The following NAV3 variants were observed in gnomAD, a reference collection of about 807,000 sequenced individuals.
NAV3 encodes the protein neuron navigator 3.
Under a neutral mutation model 244.7 loss-of-function variants are expected in NAV3, and 87 were observed. The ratio of observed to expected loss-of-function variants is 0.36; its 90% CI spans 0.30 to 0.42. The LOEUF is 0.42. Ranked by LOEUF, NAV3 falls within the 20% of genes least tolerant of loss-of-function variation. The pLI, the probability that NAV3 is intolerant of heterozygous loss-of-function variation, is 1.00. For synonymous variants in NAV3, 1,126 were observed against 1,042.2 expected (o/e 1.08, Z -1.55); for missense variants, 2,663 against 2,893.3 (o/e 0.92, Z 1.83).
intron 2 of NAV3, among the ~76,000 whole-genome samples, chr12:77,692,988 A>G (rs1875106738): frequency 6.6e-6 from 1 of 152,116 alleles, no homozygotes; most frequent in Non-Finnish European, 1.5e-5. Flanking sequence ...GGAGTTAACC[A>G]AGCAAATGTG....
chr12:78,157,537 G>A (rs982869370), intron 22 of NAV3, among the ~76,000 whole-genome samples: 4 of 151,888 alleles, frequency 2.6e-5, no homozygotes, highest in African/African-American at 9.7e-5. Context: ...CTCCAGCCTG[G>A]GTGGCAGCAA....
intron 2 of NAV3, among the ~76,000 whole-genome samples, chr12:77,740,535 CATT>C (rs1222162169): frequency 1.3e-5 from 2 of 151,752 alleles, no homozygotes; most frequent in African/African-American, 2.4e-5. Flanking sequence ...GTATTGTAAA[CATT>C]ATAGTTCACA....
At position 78,058,922 on chromosome 12, in the gene NAV3, G is replaced by A. The variant is rs115229206; in HGVS notation, c.2517-74G>A. 284 of 1,335,854 alleles carry A rather than the reference G, an allele frequency of 2.1e-4. No homozygotes were observed. In the Middle Eastern group the frequency reaches 3.5e-3, roughly 16 times the overall value. 82.8% of individuals were successfully genotyped at this position (1,335,854 alleles called of 1,614,324 possible). On this transcript the variant is annotated intron_variant, in intron 11 of 39. Transcript: ENST00000397909. ...GTAATTATTGAAAATTGTGGACACC[G>A]TTTGTTTATTAAGTTAAATTGTACA...
chr12:78,132,633 A>C (rs1956212892), intron 18 of NAV3, among the ~76,000 whole-genome samples: 1 of 151,982 alleles, frequency 6.6e-6, no homozygotes, highest in Non-Finnish European at 1.5e-5. Flanking sequence ...TTCATCCTCC[A>C]TCTCCTCCTT....
In NAV3 at chr12:77,747,412, G is replaced by T. The variant is rs546721813; in HGVS notation, c.72+175146G>T. ...GTGCTGGAGAGGATGTGGAGAAATA[G>T]GTACACTTTTACACTGTTGGTGGGA... On this transcript the variant is annotated intron_variant, in intron 2 of 8. Transcript: ENST00000550042. 1.2e-4 allele frequency among the ~76,000 whole-genome samples: 18 copies of T among 152,280 alleles called. No individual in the cohort carries two copies. The East Asian group carries it at 3.3e-3, about 28-fold the overall frequency.
intron 9 of NAV3, among the ~76,000 whole-genome samples, chr12:78,046,745 G>C (rs1881863630): frequency 6.6e-6 from 1 of 152,108 alleles, no homozygotes; most frequent in Non-Finnish European, 1.5e-5. Context: ...TGTCTATTAG[G>C]TCCACTTGGT....
At chr12:78,207,501 C>A (rs1960453368) in intron 39 of NAV3, among the ~76,000 whole-genome samples, 1 of 152,056 alleles carries the variant, frequency 6.6e-6, no homozygotes, top group South Asian at 2.1e-4. Flanking sequence ...AATAGAGGCA[C>A]ATATTAAGTA....
intron 12 of NAV3, among the ~76,000 whole-genome samples, chr12:78,099,027 T>C (rs1954404514): frequency 6.6e-6 from 1 of 151,550 alleles, no homozygotes; most frequent in African/African-American, 2.4e-5. Flanking sequence ...TTTCTTCAGT[T>C]ATTAAGTTGC....
chr12:78,115,395 T>A (rs926207512), intron 12 of NAV3, among the ~76,000 whole-genome samples: 2 of 152,198 alleles, frequency 1.3e-5, no homozygotes, highest in African/African-American at 4.8e-5. Context: ...GAGAACCAGC[T>A]GGTAAATGAG....
chr12:78,200,618 T>G, intron 38 of NAV3, 27 bp downstream of exon 38: 1 of 1,250,740 alleles, frequency 8.0e-7, no homozygotes, highest in South Asian at 1.7e-5. Context: ...TCATTGCTAT[T>G]TTTTTTTAAA....
At chr12:77,885,669 A>C (rs191620313) in intron 1 of NAV3, among the ~76,000 whole-genome samples, 20 of 152,194 alleles carry the variant, frequency 1.3e-4, no homozygotes, top group African/African-American at 4.6e-4. Flanking sequence ...TCCTTCTCTT[A>C]GTTTCTCTGT....
intron 2 of NAV3, among the ~76,000 whole-genome samples, chr12:77,685,486 C>CACACACACAA (rs144152262): frequency 1.4e-4 from 19 of 139,924 alleles, no homozygotes; most frequent in African/African-American, 3.0e-4. Flanking sequence ...CACACACACA[C>CACACACACAA]ACACACACAC....
At chr12:77,910,932 A>G (rs1307524343) in intron 1 of NAV3, among the ~76,000 whole-genome samples, 1 of 152,162 alleles carries the variant, frequency 6.6e-6, no homozygotes, top group Non-Finnish European at 1.5e-5. Flanking sequence ...TAGTATGGAC[A>G]CTTATCAGTA....
intron 2 of NAV3, among the ~76,000 whole-genome samples, chr12:77,590,064 A>G (rs908532391): frequency 6.6e-6 from 1 of 152,210 alleles, no homozygotes; most frequent in Non-Finnish European, 1.5e-5. Context: ...CCTGCATGGT[A>G]CAACTAAAAC....
At chr12:78,197,809 A>T (rs1177711483) in intron 35 of NAV3, among the ~76,000 whole-genome samples, 1 of 151,952 alleles carries the variant, frequency 6.6e-6, no homozygotes, top group African/African-American at 2.4e-5. Flanking sequence ...TGCAGACATG[A>T]TGAACATTTG....
intron 31 of NAV3, 49 bp downstream of exon 31, chr12:78,185,747 T>C (rs765108798): frequency 8.2e-6 from 12 of 1,466,964 alleles, no homozygotes; most frequent in Non-Finnish European, 7.6e-6. Context: ...AGAATTACCA[T>C]GAGTCAAGTG....
At chr12:78,143,240 A>G (rs1453723442) in intron 20 of NAV3, among the ~76,000 whole-genome samples, 1 of 152,120 alleles carries the variant, frequency 6.6e-6, no homozygotes, top group East Asian at 1.9e-4. Flanking sequence ...GATCTAACCC[A>G]TTTGTCTCCG....
intron 16 of NAV3, among the ~76,000 whole-genome samples, chr12:78,125,916 G>A (rs1291122453): frequency 2.0e-5 from 3 of 151,972 alleles, no homozygotes; most frequent in African/African-American, 4.8e-5. Flanking sequence ...ATTCTTTGTG[G>A]CATTAAACTT....
At chr12:77,893,263 A>G (rs566005313) in intron 1 of NAV3, among the ~76,000 whole-genome samples, 2 of 152,308 alleles carry the variant, frequency 1.3e-5, no homozygotes, top group South Asian at 4.1e-4. Flanking sequence ...TAAATTTTCT[A>G]ATCACAAAGT....
Sources: allele counts gnomAD v4.1 joint callset (sites outside exome capture counted in the v4.1 genomes callset), GRCh38; gene constraint gnomAD v4.1.1; transcripts MANE v1.5; gene names NCBI Gene and HGNC (gene_info 2026-07-23, HGNC 2026-07-21).